The following PDE4D variants were observed in gnomAD, a reference collection of about 807,000 sequenced individuals.
PDE4D encodes phosphodiesterase 4D.
A neutral mutation model predicts 87.4 loss-of-function variants in PDE4D; 24 were observed. That is an observed-to-expected ratio of 0.27 (90% CI 0.20 to 0.39). The LOEUF is 0.39. Ranked by LOEUF, PDE4D falls within the 10% of genes least tolerant of loss-of-function variation. The pLI, the probability that PDE4D is intolerant of heterozygous loss-of-function variation, is 1.00. For missense variants in PDE4D, 714 were observed against 1,041.0 expected, an observed-to-expected ratio of 0.69 and a Z score of 4.32; for synonymous variants, 384 against 383.2, an observed-to-expected ratio of 1.00 and a Z score of -0.02.
intron 1 of PDE4D, among the ~76,000 whole-genome samples, chr5:59,229,667 G>A (rs1754698047): frequency 6.6e-6 from 1 of 152,200 alleles, no homozygotes; most frequent in South Asian, 2.1e-4. Context: ...CCAGGCCAGT[G>A]AGAAGCTCTT....
chr5:59,767,482 T>G (rs1404533078), intron 1 of PDE4D, among the ~76,000 whole-genome samples: 1 of 151,960 alleles, frequency 6.6e-6, no homozygotes, highest in Non-Finnish European at 1.5e-5. Context: ...TCTTCTTTTT[T>G]TTTTTTCCAA....
At chr5:59,988,795 TC>T in intron 2 of PDE4D, 1 of 725,908 alleles carries the variant, frequency 1.4e-6, no homozygotes, top group Non-Finnish European at 2.2e-6. Context: ...CTTAATACTT[TC>T]CTGGGAAAGA....
chr5:60,474,592 T>C (rs943098293), intron 1 of PDE4D, among the ~76,000 whole-genome samples: 2 of 152,164 alleles, frequency 1.3e-5, no homozygotes, highest in African/African-American at 4.8e-5. Context: ...TGTCCCTTTT[T>C]AAATAATTTA....
In PDE4D at chr5:59,991,994, T is replaced by A. The variant is rs535778278; in HGVS notation, c.43-3277A>T. Among the ~76,000 whole-genome samples the A allele has an allele frequency of 1.5e-4, 23 of 152,258 alleles. No individual in the cohort carries two copies. In the East Asian group the frequency reaches 2.7e-3, roughly 18 times the overall value. On this transcript the variant is annotated intron_variant, in intron 2 of 16. Transcript: ENST00000502484. ...CCACCCTCCATGTGGGTAGGCACCA[T>A]CTAATCAGCTGCAAGCACAGCTGGG...
At chr5:60,008,308 G>A (rs886611935) in intron 2 of PDE4D, among the ~76,000 whole-genome samples, 2 of 151,970 alleles carry the variant, frequency 1.3e-5, no homozygotes, top group African/African-American at 4.8e-5. Context: ...AGTGGTCTGA[G>A]AGGAACACAA....
intron 1 of PDE4D, among the ~76,000 whole-genome samples, chr5:60,370,285 A>G (rs891390477): frequency 1.3e-5 from 2 of 152,154 alleles, no homozygotes; most frequent in African/African-American, 4.8e-5. Context: ...TTCGTTCTTA[A>G]AAGGCCCCAA....
intron 2 of PDE4D, among the ~76,000 whole-genome samples, chr5:60,172,166 G>A (rs953372755): frequency 6.8e-6 from 1 of 146,206 alleles, no homozygotes; most frequent in Non-Finnish European, 1.5e-5. Flanking sequence ...GTTGGCATTT[G>A]GTGAGGTCCT....
intron 1 of PDE4D, among the ~76,000 whole-genome samples, chr5:59,829,263 T>C (rs993268574): frequency 3.3e-5 from 5 of 152,090 alleles, no homozygotes; most frequent in African/African-American, 1.2e-4. Flanking sequence ...ATACTTTTTT[T>C]GGTTTATTTA....
At chr5:60,319,936 C>A (rs1008230200) in intron 1 of PDE4D, among the ~76,000 whole-genome samples, 1 of 152,202 alleles carries the variant, frequency 6.6e-6, no homozygotes, top group Non-Finnish European at 1.5e-5. Flanking sequence ...GTCAGGGACC[C>A]AGTTGCGGAG....
At chr5:60,087,390 A>G (rs924763437) in intron 2 of PDE4D, among the ~76,000 whole-genome samples, 1 of 152,232 alleles carries the variant, frequency 6.6e-6, no homozygotes, top group Admixed American at 6.5e-5. Flanking sequence ...AAAGAAACCA[A>G]CAAAACTCCA....
At chr5:59,824,818 A>G (rs1243168166) in intron 1 of PDE4D, among the ~76,000 whole-genome samples, 2 of 152,140 alleles carry the variant, frequency 1.3e-5, no homozygotes, top group Non-Finnish European at 2.9e-5. Context: ...AATTCTCACT[A>G]CAATGAGAAG....
At chr5:59,694,293 T>C (rs1312526816) in intron 1 of PDE4D, among the ~76,000 whole-genome samples, 1 of 152,222 alleles carries the variant, frequency 6.6e-6, no homozygotes, top group African/African-American at 2.4e-5. Flanking sequence ...GAATGAGTTA[T>C]ACACCAGGTT....
At chr5:59,710,880 T>G (rs1248945319) in intron 1 of PDE4D, among the ~76,000 whole-genome samples, 1 of 152,174 alleles carries the variant, frequency 6.6e-6, no homozygotes, top group African/African-American at 2.4e-5. Context: ...GGTAGGAATT[T>G]TACATGGTTT....
chr5:59,487,755 C>T (rs1805407148), intron 1 of PDE4D, among the ~76,000 whole-genome samples: 2 of 152,136 alleles, frequency 1.3e-5, no homozygotes, highest in Non-Finnish European at 1.5e-5. Flanking sequence ...AGTTTCAAAG[C>T]AACCTCTGAA....
intron 1 of PDE4D, among the ~76,000 whole-genome samples, chr5:59,520,309 G>A (rs1368865700): frequency 6.6e-6 from 1 of 152,102 alleles, no homozygotes; most frequent in Non-Finnish European, 1.5e-5. Context: ...ATGGGGATGG[G>A]GCTGTTCTCC....
At chr5:59,772,252 A>G (rs1171311956) in intron 1 of PDE4D, among the ~76,000 whole-genome samples, 1 of 152,158 alleles carries the variant, frequency 6.6e-6, no homozygotes, top group African/African-American at 2.4e-5. Flanking sequence ...TTCCAACAGG[A>G]GCACTCCACA....
chr5:60,509,676 A>C (rs961671631), intron 1 of PDE4D, among the ~76,000 whole-genome samples: 9 of 151,996 alleles, frequency 5.9e-5, no homozygotes, highest in African/African-American at 1.9e-4. Flanking sequence ...TTGCATGCCC[A>C]CAGCTTCTGC....
chr5:60,251,353 C>A (rs1023449885), intron 1 of PDE4D, among the ~76,000 whole-genome samples: 2 of 151,896 alleles, frequency 1.3e-5, no homozygotes, highest in African/African-American at 2.4e-5. Context: ...ATCCTCTCCC[C>A]CTTCCCACTG....
intron 1 of PDE4D, among the ~76,000 whole-genome samples, chr5:59,409,662 C>T (rs1451929424): frequency 2.0e-5 from 3 of 152,270 alleles, no homozygotes; most frequent in African/African-American, 7.2e-5. Flanking sequence ...TGAGGCCTCC[C>T]CAGAAGCTGA....
Sources: allele counts gnomAD v4.1 joint callset (sites outside exome capture counted in the v4.1 genomes callset), GRCh38; gene constraint gnomAD v4.1.1; transcripts MANE v1.5; gene names NCBI Gene and HGNC (gene_info 2026-07-23, HGNC 2026-07-21).